The following SUMF1 variants were observed in gnomAD, a reference collection of about 807,000 sequenced individuals.
SUMF1 encodes the protein formylglycine-generating enzyme.
In SUMF1, 48 loss-of-function variants were observed where a neutral mutation model predicts 47.6. The ratio of observed to expected loss-of-function variants is 1.01; its 90% confidence interval spans 0.80 to 1.28. The LOEUF is 1.28. Ranked by LOEUF, SUMF1 falls within the 50% of genes most tolerant of loss-of-function variation. The probability of loss-of-function intolerance (pLI) is 0.00; values close to 1 mark genes in which losing one functional copy is unlikely to be tolerated. For missense variants in SUMF1, 571 were observed against 485.4 expected (o/e 1.18, Z -1.66); for synonymous variants, 230 against 192.1 (o/e 1.20, Z -1.63).
At chr3:4,255,614 G>T (rs1696932524) in intron 8 of SUMF1, among the ~76,000 whole-genome samples, 1 of 118,304 alleles carries the variant, frequency 8.5e-6, no homozygotes, top group Non-Finnish European at 1.8e-5. Context: ...GATTCATAAA[G>T]CAAGTCCTGA....
intron 8 of SUMF1, among the ~76,000 whole-genome samples, chr3:4,326,366 G>A (rs1698945435): frequency 1.3e-5 from 2 of 152,080 alleles, no homozygotes; most frequent in African/African-American, 4.8e-5. Flanking sequence ...GAATTTGTCT[G>A]TGCCTGCAGA....
At chr3:4,124,536 A>G (rs1693613017) in intron 8 of SUMF1, among the ~76,000 whole-genome samples, 1 of 152,042 alleles carries the variant, frequency 6.6e-6, no homozygotes, top group Non-Finnish European at 1.5e-5. Flanking sequence ...TTATTTTCTC[A>G]GAAATACATT....
intron 8 of SUMF1, among the ~76,000 whole-genome samples, chr3:4,090,123 G>C (rs1437313419): frequency 6.6e-6 from 1 of 151,986 alleles, no homozygotes; most frequent in Non-Finnish European, 1.5e-5. Context: ...ATTAATATTT[G>C]GTAAATGAAT....
chr3:4,465,465 G>A (rs1350353543), intron 1 of SUMF1, among the ~76,000 whole-genome samples: 16 of 150,364 alleles, frequency 1.1e-4, no homozygotes, highest in Non-Finnish European at 2.1e-4. Flanking sequence ...GTGACAGAGC[G>A]AGACTCCGTC....
intron 9 of SUMF1, among the ~76,000 whole-genome samples, chr3:4,067,198 T>G (rs1289906159): frequency 6.6e-6 from 1 of 152,164 alleles, no homozygotes. Flanking sequence ...CTCCAGAACA[T>G]TAAGCAGAAG....
intron 8 of SUMF1, among the ~76,000 whole-genome samples, chr3:4,353,920 G>A (rs1699563773): frequency 6.6e-6 from 1 of 152,152 alleles, no homozygotes; most frequent in Non-Finnish European, 1.5e-5. Flanking sequence ...CTGGAGTGCA[G>A]CAGTGTGATC....
chr3:4,165,862 T>TTC (rs61488909), intron 8 of SUMF1, among the ~76,000 whole-genome samples: 24 of 139,200 alleles, frequency 1.7e-4, no homozygotes, highest in South Asian at 2.4e-4. Context: ...TTTGTTTGTT[T>TTC]CCCCCCCCCC....
intron 3 of SUMF1, among the ~76,000 whole-genome samples, chr3:4,428,933 T>A (rs550191694): frequency 6.6e-6 from 1 of 152,226 alleles, no homozygotes; most frequent in African/African-American, 2.4e-5. Flanking sequence ...TTATTGAATA[T>A]TTTTCTATGT....
intron 7 of SUMF1, among the ~76,000 whole-genome samples, chr3:4,400,763 C>T (rs1390466560): frequency 6.6e-6 from 1 of 152,086 alleles, no homozygotes; most frequent in African/African-American, 2.4e-5. Flanking sequence ...AGGATTTCAC[C>T]CCCTGGCCCC....
At chr3:4,317,486 C>T (rs1698711675) in intron 8 of SUMF1, 1 of 397,148 alleles carries the variant, frequency 2.5e-6, no homozygotes, top group East Asian at 4.2e-5. Context: ...TGTTCAGGAC[C>T]AGCCTGGGCA....
At chr3:4,238,225 T>C (rs372249057) in intron 8 of SUMF1, among the ~76,000 whole-genome samples, 5 of 152,190 alleles carry the variant, frequency 3.3e-5, no homozygotes, top group African/African-American at 9.7e-5. Flanking sequence ...TTGTGAACAG[T>C]GCTGCAATAA....
intron 8 of SUMF1, among the ~76,000 whole-genome samples, chr3:4,215,337 A>C (rs912793308): frequency 1.3e-5 from 2 of 152,218 alleles, no homozygotes; most frequent in African/African-American, 4.8e-5. Context: ...TCTTCAATAA[A>C]ATTCAACATC....
chr3:4,144,672 C>A (rs1210881724), intron 8 of SUMF1, among the ~76,000 whole-genome samples: 2 of 152,068 alleles, frequency 1.3e-5, no homozygotes, highest in African/African-American at 4.8e-5. Flanking sequence ...CTGCTTTTTT[C>A]TGAGACTTGT....
chr3:4,316,560 G>A (rs372601584), intron 8 of SUMF1: 26 of 1,555,060 alleles, frequency 1.7e-5, no homozygotes, highest in Admixed American at 5.8e-5. Context: ...GAAAAAGCTC[G>A]ATAAGTGGGT....
intron 8 of SUMF1, among the ~76,000 whole-genome samples, chr3:4,293,246 T>C (rs1697776102): frequency 6.6e-6 from 1 of 152,154 alleles, no homozygotes; most frequent in Non-Finnish European, 1.5e-5. Flanking sequence ...TGTAATATGT[T>C]CTAATCCTAA....
intron 8 of SUMF1, among the ~76,000 whole-genome samples, chr3:4,206,895 G>C (rs920873356): frequency 2.0e-5 from 3 of 151,916 alleles, no homozygotes; most frequent in Non-Finnish European, 4.4e-5. Context: ...TGAAAAGCCT[G>C]CTGGAATTTT....
At chr3:4,389,564 T>C (rs1700787169) in intron 7 of SUMF1, among the ~76,000 whole-genome samples, 1 of 152,236 alleles carries the variant, frequency 6.6e-6, no homozygotes, top group Admixed American at 6.5e-5. Context: ...CTGTCTTCTT[T>C]GTTTTCTCCT....
chr3:4,203,346 G>A (rs1574974650), intron 8 of SUMF1, among the ~76,000 whole-genome samples: 1 of 148,800 alleles, frequency 6.7e-6, no homozygotes, highest in African/African-American at 2.6e-5. Flanking sequence ...GACTTTCTTT[G>A]TTTCTTTTTC....
chr3:4,134,363 T>G (rs1248333140), intron 8 of SUMF1, among the ~76,000 whole-genome samples: 1 of 152,136 alleles, frequency 6.6e-6, no homozygotes, highest in Non-Finnish European at 1.5e-5. Context: ...TGTCCCTGAA[T>G]GACTACTGGG....
Sources: gnomAD v4.1 joint callset for allele counts (sites outside exome capture counted in the v4.1 genomes callset) on GRCh38, gnomAD v4.1.1 for gene constraint, MANE v1.5 for transcripts, NCBI Gene and HGNC (gene_info 2026-07-23, HGNC 2026-07-21) for gene names.